PTCSC3: variants seen among roughly 807,000 people sequenced by gnomAD.
PTCSC3 encodes papillary thyroid carcinoma susceptibility candidate 3, also known as papillary thyroid carcinoma susceptibility candidate 3 (non-protein coding).
At chr14:36,146,104 G>C (rs1351244258) in intron 3 of PTCSC3, among the ~76,000 whole-genome samples, 1 of 147,028 alleles carries the variant, frequency 6.8e-6, no homozygotes, top group African/African-American at 2.5e-5. Context: ...TTTTGGAATA[G>C]GTGTGGTGTG....
At chr14:36,173,355 CTG>C (rs1330998954) in intron 1 of PTCSC3, among the ~76,000 whole-genome samples, 2 of 152,096 alleles carry the variant, frequency 1.3e-5, no homozygotes, top group African/African-American at 4.8e-5. Flanking sequence ...GCAATCAACA[CTG>C]TAACTCTGAA....
intron 1 of PTCSC3, among the ~76,000 whole-genome samples, chr14:36,171,608 T>G (rs1290982115): frequency 2.0e-5 from 3 of 152,188 alleles, no homozygotes; most frequent in Non-Finnish European, 4.4e-5. Flanking sequence ...ATAATCCCAT[T>G]GCTTTCATGT....
At chr14:36,137,025 T>G (rs1881303226) in intron 3 of PTCSC3, among the ~76,000 whole-genome samples, 1 of 151,718 alleles carries the variant, frequency 6.6e-6, no homozygotes, top group African/African-American at 2.4e-5. Flanking sequence ...TTACATGCAG[T>G]GTTTCTTTTT....
chr14:36,173,535 AG>A (rs926257120), intron 1 of PTCSC3, among the ~76,000 whole-genome samples: 4 of 150,674 alleles, frequency 2.7e-5, no homozygotes, highest in African/African-American at 9.7e-5. Flanking sequence ...TCTACTTACA[AG>A]GGCCAAATAT....
intron 3 of PTCSC3, among the ~76,000 whole-genome samples, chr14:36,148,911 G>T (rs906335515): frequency 6.6e-6 from 1 of 151,954 alleles, no homozygotes; most frequent in Non-Finnish European, 1.5e-5. Context: ...TTTTTACATT[G>T]TTAGCCTGGC....
intron 2 of PTCSC3, among the ~76,000 whole-genome samples, chr14:36,162,158 G>A (rs1482113806): frequency 6.6e-6 from 1 of 151,546 alleles, no homozygotes; most frequent in Non-Finnish European, 1.5e-5. Flanking sequence ...GTGGGGGTGG[G>A]ATCGGCTGAG....
intron 2 of PTCSC3, among the ~76,000 whole-genome samples, chr14:36,159,423 T>C (rs1436880161): frequency 1.3e-5 from 2 of 152,220 alleles, no homozygotes; most frequent in Non-Finnish European, 2.9e-5. Flanking sequence ...TTTAGCTGTG[T>C]CCCAGAGATT....
At chr14:36,149,349 T>C (rs1312939999) in intron 3 of PTCSC3, among the ~76,000 whole-genome samples, 3 of 152,238 alleles carry the variant, frequency 2.0e-5, no homozygotes, top group Non-Finnish European at 4.4e-5. Context: ...GAGCATACTT[T>C]GTATGATTTC....
chr14:36,174,897 G>T (rs2139116214), intron 1 of PTCSC3, among the ~76,000 whole-genome samples: 1 of 152,186 alleles, frequency 6.6e-6, no homozygotes, highest in Middle Eastern at 3.4e-3. Flanking sequence ...TCTCTGGCAG[G>T]GCCAGAACTC....
chr14:36,139,968 C>G (rs1478082585), intron 3 of PTCSC3, among the ~76,000 whole-genome samples: 2 of 152,128 alleles, frequency 1.3e-5, no homozygotes, highest in Non-Finnish European at 2.9e-5. Context: ...CTAAAAGTCC[C>G]CTGTGCTTCA....
chr14:36,135,093 A>G (rs1881255801), downstream of PTCSC3, among the ~76,000 whole-genome samples: 1 of 152,250 alleles, frequency 6.6e-6, no homozygotes, highest in African/African-American at 2.4e-5. Flanking sequence ...GCCATTCTAG[A>G]CAACTAGGAA....
At chr14:36,139,704 C>T (rs1422033960) in intron 3 of PTCSC3, among the ~76,000 whole-genome samples, 1 of 152,172 alleles carries the variant, frequency 6.6e-6, no homozygotes, top group African/African-American at 2.4e-5. Context: ...AAACTTAAAA[C>T]TATAGAAAAA....
intron 1 of PTCSC3, among the ~76,000 whole-genome samples, chr14:36,167,058 T>A (rs1276038262): frequency 6.6e-6 from 1 of 152,252 alleles, no homozygotes; most frequent in Non-Finnish European, 1.5e-5. Context: ...ATGACTTTCA[T>A]GGCTAATTAG....
intron 1 of PTCSC3, among the ~76,000 whole-genome samples, chr14:36,168,087 A>G (rs1045095956): frequency 1.3e-5 from 2 of 152,018 alleles, no homozygotes; most frequent in East Asian, 1.9e-4. Flanking sequence ...AGCTCTTGCC[A>G]ATAATATTGT....
chr14:36,176,298 C>T (rs565013212), exon 1 of PTCSC3: 1 of 151,888 alleles, frequency 6.6e-6, no homozygotes. Flanking sequence ...GAACACTTAC[C>T]ACCATGGTCT....
chr14:36,161,271 G>C (rs1881950427), intron 2 of PTCSC3, among the ~76,000 whole-genome samples: 1 of 152,114 alleles, frequency 6.6e-6, no homozygotes, highest in East Asian at 1.9e-4. Flanking sequence ...TGCTGGCGAG[G>C]AGTTGTGATC....
intron 3 of PTCSC3, among the ~76,000 whole-genome samples, chr14:36,148,389 G>A (rs894453272): frequency 1.3e-5 from 2 of 152,214 alleles, no homozygotes; most frequent in East Asian, 1.9e-4. Context: ...AAGCCTGTCG[G>A]AAAAGCGCAG....
chr14:36,144,109 T>C (rs1769218088), intron 3 of PTCSC3, among the ~76,000 whole-genome samples: 1 of 152,184 alleles, frequency 6.6e-6, no homozygotes, highest in Non-Finnish European at 1.5e-5. Flanking sequence ...TCCAGCTTTG[T>C]TCTTTTGGCT....
At chr14:36,153,445 A>G (rs1461857347) in intron 3 of PTCSC3, among the ~76,000 whole-genome samples, 5 of 152,344 alleles carry the variant, frequency 3.3e-5, no homozygotes, top group Non-Finnish European at 7.3e-5. Flanking sequence ...AAATCAAAAC[A>G]GTAAAAATCC....
Sources: gnomAD v4.1 joint callset for allele counts (sites outside exome capture counted in the v4.1 genomes callset) on GRCh38, gnomAD v4.1.1 for gene constraint, MANE v1.5 for transcripts, NCBI Gene and HGNC (gene_info 2026-07-23, HGNC 2026-07-21) for gene names.